The following RYR3 variants were observed in gnomAD, a reference collection of about 807,000 sequenced individuals.
RYR3 encodes the protein brain ryanodine receptor-calcium release channel.
Under a neutral mutation model 584.3 loss-of-function variants are expected in RYR3, and 207 were observed. That is an observed-to-expected ratio of 0.35 (90% CI 0.32 to 0.40). RYR3 has a LOEUF of 0.40. RYR3 is among the 10% of genes least tolerant of loss of function. The pLI is 1.00. For synonymous variants in RYR3, 2,416 were observed against 2,248.5 expected (o/e 1.07, Z -2.11); for missense variants, 5,616 against 6,089.2 (o/e 0.92, Z 2.59).
chr15:33,669,857 G>GGT (rs1555401710), intron 37 of RYR3, among the ~76,000 whole-genome samples: 5,450 of 59,530 alleles, frequency 0.092, 1,066 homozygotes, highest in Non-Finnish European at 0.12. Flanking sequence ...GGGGGGGGGG[G>GGT]GTGTGGGTGT....
Position 33,739,991 on chromosome 15 carries a change from A to G in RYR3, c.7816A>G (p.Met2606Val). The change falls in exon 51 of 104, where the codon ATG (methionine) becomes GTG (valine). Residue 2606 changes from methionine (M) to valine (V), a missense_variant. By Grantham distance (21) the Met-to-Val change is conservative. Coordinates refer to ENST00000634891, the MANE Select transcript of RYR3 (RefSeq NM_001036.6). ...GNFDPKPINT[M>V]NFSLPEKLEY... Reference sequence around the variant, plus strand: ...CTTTGACCCAAAACCTATTAACACCATGAAGTGAGTCCAGAATCATCTCTG... The same window carrying G: ...CTTTGACCCAAAACCTATTAACACCGTGAAGTGAGTCCAGAATCATCTCTG... The G allele has an allele frequency of 6.2e-7, 1 of 1,613,726 alleles. No individual in the cohort carries two copies. The highest frequency in any genetic ancestry group is 1.3e-5 in the African/African-American group (1 of 75,058).
chr15:33,597,154 G>A lies in RYR3; in HGVS notation c.1789-4265G>A, dbSNP rs2437142. ...CAAAGATTATTCTGTTTTGGGCTGG[G>A]CTTGTAGTTTTGTAACCCCTATGCC... is the stretch of plus-strand genomic sequence containing the variant. On this transcript the variant is annotated intron_variant, in intron 16 of 103. Coordinates refer to ENST00000634891, the MANE Select transcript of RYR3 (RefSeq NM_001036.6). Among the ~76,000 whole-genome samples the A allele has an allele frequency of 4.3e-3, 662 of 152,256 alleles. 6 individuals carry two copies. The highest frequency in any genetic ancestry group is 0.015 in the African/African-American group (631 of 41,540).
At chr15:33,701,164 G>A in intron 42 of RYR3, 84 bp downstream of exon 42, 1 of 818,808 alleles carries the variant, frequency 1.2e-6, no homozygotes, top group Non-Finnish European at 2.0e-6. Context: ...CACGGATGGA[G>A]TCTCTGTCAC....
chr15:33,523,070 A>G (rs2054124245), intron 3 of RYR3, among the ~76,000 whole-genome samples: 1 of 152,130 alleles, frequency 6.6e-6, no homozygotes, highest in Non-Finnish European at 1.5e-5. Context: ...GGGGACTTGG[A>G]GAAATTTTAT....
Position 33,623,873 on chromosome 15 carries a change from T to C in RYR3, c.2424T>C (p.Pro808=). 1 of 1,613,976 alleles carries C rather than the reference T, an allele frequency of 6.2e-7. No individual in the cohort carries two copies. The highest frequency in any genetic ancestry group is 8.5e-7 in the Non-Finnish European group (1 of 1,179,836). ...FKFLPPSGYA[P]CYEALLPKEK... ...TCCTGCCTCCCTCTGGCTATGCCCC[T>C]TGCTATGAAGCCTTACTTCCAAAAG... Residue 808 remains proline, a synonymous_variant, in exon 20 of 104, where the codon CCT becomes CCC. Coordinates refer to ENST00000634891, the MANE Select transcript of RYR3 (RefSeq NM_001036.6).
chr15:33,660,898 C>A (rs1201929362), intron 34 of RYR3, among the ~76,000 whole-genome samples: 1 of 152,104 alleles, frequency 6.6e-6, no homozygotes, highest in African/African-American at 2.4e-5. Flanking sequence ...TTTTCATCTA[C>A]ACAGTGAGAG....
At chr15:33,562,644 C>T (rs2057470363) in intron 10 of RYR3, among the ~76,000 whole-genome samples, 193 bp from the exon 11 acceptor site, 1 of 152,098 alleles carries the variant, frequency 6.6e-6, no homozygotes, top group South Asian at 2.1e-4. Flanking sequence ...AACTCGAAAG[C>T]CATTGATTTT....
intron 8 of RYR3, among the ~76,000 whole-genome samples, chr15:33,544,405 T>G (rs1044893741): frequency 6.6e-6 from 1 of 152,140 alleles, no homozygotes; most frequent in East Asian, 1.9e-4. Flanking sequence ...GTGAGTCTGA[T>G]CCGGTGATCA....
intron 47 of RYR3, among the ~76,000 whole-genome samples, chr15:33,729,646 A>T (rs923749603): frequency 6.6e-6 from 1 of 152,148 alleles, no homozygotes; most frequent in African/African-American, 2.4e-5. Flanking sequence ...ATCAACAAAC[A>T]TCAAGAGAGG....
intron 76 of RYR3, 40 bp downstream of exon 76, chr15:33,818,724 G>T: frequency 1.4e-6 from 2 of 1,452,786 alleles, no homozygotes; most frequent in Non-Finnish European, 9.6e-7. Context: ...CAGGCACCAG[G>T]GATACTTGTG....
At chr15:33,456,989 G>A (rs899980865) in intron 1 of RYR3, among the ~76,000 whole-genome samples, 4 of 152,088 alleles carry the variant, frequency 2.6e-5, no homozygotes, top group Non-Finnish European at 4.4e-5. Context: ...GTTTGTGTTC[G>A]ACAAATAGGT....
chr15:33,825,603 T>A lies in RYR3; in HGVS notation c.11073T>A (p.Ser3691Arg), dbSNP rs1316159209. ...CTTGTTTCTTTCTGTCTATTAAAAG[T>A]GTCCTTGATTTGAATGCATTTGAGA... ...QSLSGLMQSC[S>R]VLDLNAFERQ... Residue 3691 changes from serine to arginine, a missense_variant and splice_region_variant, in exon 82 of 104, where the codon AGT (serine) becomes AGA (arginine). Transcript: ENST00000634891. The A allele has an allele frequency of 6.2e-7, 1 of 1,608,586 alleles. No individual in the cohort carries two copies. The highest frequency in any genetic ancestry group is 8.5e-7 in the Non-Finnish European group (1 of 1,176,062).
intron 67 of RYR3, among the ~76,000 whole-genome samples, chr15:33,795,909 T>C (rs1292175017): frequency 6.6e-6 from 1 of 152,106 alleles, no homozygotes; most frequent in Non-Finnish European, 1.5e-5. Context: ...GAACTTAGCA[T>C]TGAACTTTAA....
chr15:33,768,098 C>T (rs1057447082), intron 60 of RYR3, among the ~76,000 whole-genome samples: 2 of 152,206 alleles, frequency 1.3e-5, no homozygotes, highest in African/African-American at 2.4e-5. Context: ...CCTGGTCAGG[C>T]CTGGAGACTA....
In RYR3 at chr15:33,837,897, A is replaced by C. The variant is rs201327770; in HGVS notation, c.11917A>C (p.Met3973Leu). The C allele has an allele frequency of 3.7e-6, 6 of 1,614,012 alleles. No homozygotes were observed. The South Asian group carries it at 5.5e-5, about 15-fold the overall frequency. ...LSCAEADEND[M>L]FNYVDFVDRF... is the part of the protein sequence containing the mutation. ...GTGTGCAGAAGCTGATGAGAATGACATGTTTAATTACGTTGATTTTGTAGA... is the reference window on the plus strand; with the variant it reads ...GTGTGCAGAAGCTGATGAGAATGACCTGTTTAATTACGTTGATTTTGTAGA... The change falls in exon 89 of 104, where the codon ATG becomes CTG. Residue 3973 changes from methionine (M) to leucine (L), a missense_variant. Met to Leu is a conservative substitution (Grantham distance 15). Around this residue, in one of 9 missense-constraint regions of RYR3, gnomAD observed 258 missense variants for 297.3 expected, o/e 0.87. Transcript: ENST00000634891.
rs188504323 is a variant in RYR3 at position 33,511,612 on chromosome 15, A to G, written c.279+7874A>G. On this transcript the variant is annotated intron_variant, in intron 3 of 103. Transcript: ENST00000634891. ...TTCTTTGTGTCTCTGCAATTAAAAA[A>G]AAAAAACCACTAGTGCACCTCACCC... Among the ~76,000 whole-genome samples the G allele has an allele frequency of 3.5e-3, 536 of 151,728 alleles. 1 individual carries two copies. The highest frequency in any genetic ancestry group is 0.012 in the African/African-American group (492 of 41,318).
intron 38 of RYR3, among the ~76,000 whole-genome samples, chr15:33,685,537 A>G (rs1215392029): frequency 6.6e-6 from 1 of 152,170 alleles, no homozygotes; most frequent in African/African-American, 2.4e-5. Context: ...GATCAACGAG[A>G]CAGAAAGTTA....
At chr15:33,344,754 G>A (rs780536970) in intron 1 of RYR3, among the ~76,000 whole-genome samples, 22 of 152,254 alleles carry the variant, frequency 1.4e-4, no homozygotes, top group Admixed American at 6.5e-4. Context: ...ATGTAAAAAT[G>A]AGTTATCACT....
intron 103 of RYR3, 108 bp downstream of exon 103, chr15:33,864,297 T>C: frequency 1.2e-6 from 1 of 826,046 alleles, no homozygotes. Flanking sequence ...ATTAATCCCG[T>C]GAATGCATTT....
Sources: allele counts gnomAD v4.1 joint callset (sites outside exome capture counted in the v4.1 genomes callset), GRCh38; gene constraint gnomAD v4.1.1; regional missense constraint gnomAD v4.1.1; transcripts MANE v1.5; gene names NCBI Gene and HGNC (gene_info 2026-07-23, HGNC 2026-07-21).